ADRA1A: variants seen among roughly 807,000 people sequenced by gnomAD.
The protein encoded by ADRA1A is alpha-1A adrenergic receptor.
ADRA1A carries 31 observed loss-of-function variants against 29.6 expected under a neutral mutation model. The observed-to-expected ratio is 1.05, with a 90% confidence interval of 0.79 to 1.41. The LOEUF is 1.41. ADRA1A is among the 40% of genes most tolerant of loss of function. The pLI, the probability that ADRA1A is intolerant of heterozygous loss-of-function variation, is 0.00. For missense variants in ADRA1A, 619 were observed against 601.1 expected (o/e 1.03, Z -0.31); for synonymous variants, 311 against 254.3 (o/e 1.22, Z -2.12).
chr8:26,849,961 C>G (rs1812490998), intron 2 of ADRA1A, among the ~76,000 whole-genome samples: 1 of 130,880 alleles, frequency 7.6e-6, no homozygotes, highest in South Asian at 2.5e-4. Context: ...GGAACATGAA[C>G]TTGAGAAATT....
In ADRA1A at chr8:26,787,321, C is replaced by G. The variant is rs181858535; in HGVS notation, c.884-16655G>C. On this transcript the variant is annotated intron_variant, in intron 2 of 2. Transcript: ENST00000380573. This position sits in a 1 kb window ranked among gnomAD's most constrained non-coding sequence, Gnocchi z 4.2. ...TCAGAAAGCAGAGACATGTGTAATT[C>G]AAATTATTAATACAAAAATAAAATT... Among the ~76,000 whole-genome samples, 1 of 151,954 alleles carries G rather than the reference C, an allele frequency of 6.6e-6. No individual in the cohort carries two copies. The highest frequency in any genetic ancestry group is 2.4e-5 in the African/African-American group (1 of 41,346).
intron 2 of ADRA1A, among the ~76,000 whole-genome samples, chr8:26,807,447 T>G (rs1199450031): frequency 1.3e-5 from 2 of 152,292 alleles, no homozygotes; most frequent in East Asian, 3.9e-4. Flanking sequence ...ACCCCTCTGC[T>G]GGTCAATTTT....
downstream of ADRA1A, among the ~76,000 whole-genome samples, chr8:26,765,375 CA>C (rs1805718929): frequency 6.6e-6 from 1 of 152,244 alleles, no homozygotes; most frequent in African/African-American, 2.4e-5. Context: ...CCTAGCCCCA[CA>C]GTGATCATCT....
intron 2 of ADRA1A, among the ~76,000 whole-genome samples, chr8:26,826,696 C>T (rs1810599826): frequency 6.6e-6 from 1 of 152,160 alleles, no homozygotes; most frequent in African/African-American, 2.4e-5. Flanking sequence ...GCCTTCTTGG[C>T]ATGTTCCTGT....
At chr8:26,766,290 A>G (rs1001651830), downstream of ADRA1A, 1 of 662,614 alleles carries the variant, frequency 1.5e-6, no homozygotes, top group Admixed American at 2.2e-5. Flanking sequence ...CTTCAATACA[A>G]CACCCGATAT....
chr8:26,863,382 C>T (rs971247885), intron 2 of ADRA1A, among the ~76,000 whole-genome samples: 2 of 152,034 alleles, frequency 1.3e-5, no homozygotes, highest in African/African-American at 2.4e-5. Context: ...TCTGCAACTT[C>T]CCGGATGATT....
intron 2 of ADRA1A, among the ~76,000 whole-genome samples, chr8:26,824,289 A>G (rs1360377529): frequency 6.6e-6 from 1 of 152,036 alleles, no homozygotes; most frequent in African/African-American, 2.4e-5. Context: ...ACAGGGGTCT[A>G]TCTAGTAAGC....
At chr8:26,854,998 A>T (rs1026614780) in intron 2 of ADRA1A, among the ~76,000 whole-genome samples, 1 of 152,234 alleles carries the variant, frequency 6.6e-6, no homozygotes, top group Non-Finnish European at 1.5e-5. Flanking sequence ...TCTTCTTCAG[A>T]CACTAAATCT....
At chr8:26,766,456 TCTGATA>T (rs1410391502), downstream of ADRA1A, among the ~76,000 whole-genome samples, 2 of 152,198 alleles carry the variant, frequency 1.3e-5, no homozygotes, top group Non-Finnish European at 2.9e-5. Flanking sequence ...TGTGATGCAG[TCTGATA>T]GAAGTGCAGA....
At position 26,865,793 on chromosome 8, in the gene ADRA1A, G is replaced by T. The variant is rs1334190268; in HGVS notation, c.-686-138C>A. ...TCCAGAAGCTGCTTCGCCCGGCAGC[G>T]GTGGAGGCGACTTCGGAGCTCATCT... On this transcript the variant is annotated intron_variant, in intron 1 of 2. Coordinates refer to ENST00000380573, the MANE Select transcript of ADRA1A (RefSeq NM_000680.4). The surrounding 1 kb of genome is among the most constrained non-coding windows in gnomAD (Gnocchi z 7.6). The T allele has an allele frequency of 1.2e-6, 1 of 836,558 alleles. No individual in the cohort carries two copies. Among genetic ancestry groups the T allele is most frequent in the Non-Finnish European group, 1.4e-6 (1 of 694,456 alleles). The allele number at this position is 836,558 out of a possible 1,614,324, so 51.8% of individuals were successfully genotyped here. A position where few individuals can be genotyped will look rare whatever the true frequency, so the allele number is the denominator to read the frequency against.
At chr8:26,753,272 T>C (rs528064167), downstream of ADRA1A, among the ~76,000 whole-genome samples, 331 of 152,268 alleles carry the variant, frequency 2.2e-3, 1 homozygote, top group African/African-American at 7.5e-3. Context: ...TGTCCTGTCT[T>C]GAACACATCC....
chr8:26,840,656 A>G (rs1811754988), intron 2 of ADRA1A, among the ~76,000 whole-genome samples: 1 of 151,664 alleles, frequency 6.6e-6, no homozygotes, highest in South Asian at 2.1e-4. Context: ...TGGAATTATT[A>G]CCTTCCCCAT....
At chr8:26,749,312 G>A (rs907848571) in intron 2 of ADRA1A, among the ~76,000 whole-genome samples, 1 of 152,190 alleles carries the variant, frequency 6.6e-6, no homozygotes, top group African/African-American at 2.4e-5. Context: ...CTGATCTATA[G>A]AGATGCATCT....
At chr8:26,750,833 G>A (rs1469857107) in intron 2 of ADRA1A, among the ~76,000 whole-genome samples, 2 of 152,198 alleles carry the variant, frequency 1.3e-5, no homozygotes, top group Non-Finnish European at 2.9e-5. Flanking sequence ...ACTTTGGGAG[G>A]CCAAGGCGGG....
chr8:26,809,384 A>T (rs534705830), intron 2 of ADRA1A, among the ~76,000 whole-genome samples: 1 of 152,280 alleles, frequency 6.6e-6, no homozygotes, highest in East Asian at 1.9e-4. Flanking sequence ...ACCGAGGCCC[A>T]AAAGAAAGCA....
At chr8:26,851,116 A>G (rs906897968) in intron 2 of ADRA1A, among the ~76,000 whole-genome samples, 5 of 152,246 alleles carry the variant, frequency 3.3e-5, no homozygotes, top group Non-Finnish European at 4.4e-5. Flanking sequence ...GAGATACAAA[A>G]GACAGGAGAG....
chr8:26,753,727 G>A (rs903128040), downstream of ADRA1A, among the ~76,000 whole-genome samples: 1 of 152,126 alleles, frequency 6.6e-6, no homozygotes, highest in Admixed American at 6.6e-5. Context: ...CATTTAGCCC[G>A]CTGAAGACAC....
chr8:26,757,242 T>G, intron 2 of ADRA1A: 1 of 676,756 alleles, frequency 1.5e-6, no homozygotes, highest in South Asian at 1.6e-5. Context: ...GAGAGACCAT[T>G]TGGCAGGGAG....
intron 2 of ADRA1A, among the ~76,000 whole-genome samples, chr8:26,839,422 T>C (rs1229242279): frequency 1.3e-5 from 2 of 152,108 alleles, no homozygotes; most frequent in African/African-American, 4.8e-5. Context: ...CCCCCCAAAG[T>C]GCTGGGATTA....
Sources: gnomAD v4.1 joint callset for allele counts (sites outside exome capture counted in the v4.1 genomes callset) on GRCh38, gnomAD v4.1.1 for gene constraint, Gnocchi (gnomAD v3.1) non-coding constraint, MANE v1.5 for transcripts, NCBI Gene and HGNC (gene_info 2026-07-23, HGNC 2026-07-21) for gene names.